Variants in KCNQ3 observed in about 807,000 individuals in gnomAD.
The protein encoded by KCNQ3 is potassium voltage-gated channel subfamily KQT member 3.
In KCNQ3, 30 loss-of-function variants were observed where a neutral mutation model predicts 92.5. That is an observed-to-expected ratio of 0.32 (90% CI 0.24 to 0.44). KCNQ3 has a LOEUF of 0.44. KCNQ3 is among the 20% of genes least tolerant of loss of function. The probability of loss-of-function intolerance (pLI) is 1.00; values close to 1 mark genes in which losing one functional copy is unlikely to be tolerated. For synonymous variants in KCNQ3, 450 were observed against 468.8 expected (o/e 0.96, Z 0.52); for missense variants, 913 against 1,140.3 (o/e 0.80, Z 2.87).
intron 13 of KCNQ3, among the ~76,000 whole-genome samples, chr8:132,133,219 A>G (rs1186277144): frequency 2.6e-5 from 4 of 152,238 alleles, no homozygotes; most frequent in Non-Finnish European, 5.9e-5. Context: ...TAGAGACTTC[A>G]TTCCTACCTC....
intron 9 of KCNQ3, among the ~76,000 whole-genome samples, chr8:132,151,214 A>C (rs1380040236): frequency 6.6e-6 from 1 of 152,242 alleles, no homozygotes; most frequent in African/African-American, 2.4e-5. Flanking sequence ...GGCTGCATCT[A>C]GCACATAATC....
At chr8:132,363,232 T>C (rs1819220818) in intron 1 of KCNQ3, among the ~76,000 whole-genome samples, 1 of 152,184 alleles carries the variant, frequency 6.6e-6, no homozygotes, top group Admixed American at 6.5e-5. Context: ...TATTGGTAGA[T>C]AAAACGCGAA....
chr8:132,296,793 T>C (rs1225569639), intron 1 of KCNQ3, among the ~76,000 whole-genome samples: 2 of 152,044 alleles, frequency 1.3e-5, no homozygotes, highest in Non-Finnish European at 2.9e-5. Flanking sequence ...CTATCATTGT[T>C]GGACATTTGG....
At chr8:132,270,866 T>C (rs1384184524) in intron 1 of KCNQ3, among the ~76,000 whole-genome samples, 1 of 152,360 alleles carries the variant, frequency 6.6e-6, no homozygotes, top group African/African-American at 2.4e-5. Flanking sequence ...AATTTGTGTA[T>C]TTGGGATGGG....
chr8:132,249,950 G>T (rs6988160), intron 1 of KCNQ3, among the ~76,000 whole-genome samples: 66,515 of 152,042 alleles, frequency 0.44, 16,882 homozygotes, highest in East Asian at 0.68. Context: ...GCCGCTCCAA[G>T]TGAAGGACCT....
intron 9 of KCNQ3, among the ~76,000 whole-genome samples, chr8:132,161,655 AAAAG>A (rs934886232): frequency 2.6e-5 from 4 of 152,018 alleles, no homozygotes; most frequent in African/African-American, 2.4e-5. Context: ...ACAAAAAAGA[AAAAG>A]AAAAAGAAAA....
chr8:132,125,757 G>A lies in KCNQ3; in HGVS notation c.*3505C>T, dbSNP rs560312608. ...GTTCATTTTAACCTATACACCTTGGGGTTATCTAGTTATGTTTTCATGAAA... is the reference window on the plus strand; with the variant it reads ...GTTCATTTTAACCTATACACCTTGGAGTTATCTAGTTATGTTTTCATGAAA... On this transcript the variant is annotated 3_prime_UTR_variant, in exon 15 of 15. Coordinates refer to ENST00000388996, the MANE Select transcript of KCNQ3 (RefSeq NM_004519.4). 6 of 152,098 alleles carry A rather than the reference G, an allele frequency of 3.9e-5. No individual in the cohort carries two copies. Among genetic ancestry groups the A allele is most frequent in the African/African-American group, 1.4e-4 (6 of 41,498 alleles). 9.4% of individuals were successfully genotyped at this position (152,098 alleles called of 1,614,324 possible). A position where few individuals can be genotyped will look rare whatever the true frequency, so the allele number is the denominator to read the frequency against.
chr8:132,135,071 A>C (rs1825038191), intron 12 of KCNQ3, among the ~76,000 whole-genome samples: 1 of 151,664 alleles, frequency 6.6e-6, no homozygotes, highest in South Asian at 2.1e-4. Flanking sequence ...CTTTTCTGCT[A>C]CTCTCCCTCC....
intron 2 of KCNQ3, 127 bp downstream of exon 2, chr8:132,185,964 G>C: frequency 1.3e-6 from 1 of 745,414 alleles, no homozygotes; most frequent in South Asian, 1.4e-5. Context: ...GCTTTTCCTT[G>C]GGCCTGGACT....
rs114449154 is a variant in KCNQ3, at chr8:132,169,249, T to A, written c.1235+1085A>T. The stretch of plus-strand genomic sequence containing the variant: ...GGATGCATTTACCATCACACTTCCA[T>A]CAGAATTGCTGAAAGTGGAGGCCAG... On this transcript the variant is annotated intron_variant, in intron 8 of 14. Coordinates refer to ENST00000388996, the MANE Select transcript of KCNQ3 (RefSeq NM_004519.4). Among the ~76,000 whole-genome samples, 1,168 of 152,242 alleles carry A rather than the reference T, an allele frequency of 7.7e-3. 21 individuals are homozygous for A. The highest frequency in any genetic ancestry group is 0.027 in the African/African-American group (1,107 of 41,546).
chr8:132,308,804 G>A (rs1817510320), intron 1 of KCNQ3, among the ~76,000 whole-genome samples: 1 of 152,158 alleles, frequency 6.6e-6, no homozygotes, highest in Non-Finnish European at 1.5e-5. Flanking sequence ...AGGATCAGAG[G>A]GGTTAAGTAA....
chr8:132,402,953 G>T (rs1208046166), intron 1 of KCNQ3, among the ~76,000 whole-genome samples: 10 of 140,548 alleles, frequency 7.1e-5, no homozygotes, highest in Admixed American at 2.3e-4. Flanking sequence ...AGGAGGCAGA[G>T]ATTGCAGTGA....
At chr8:132,140,765 T>G (rs1825266847) in intron 10 of KCNQ3, 2 of 299,764 alleles carry the variant, frequency 6.7e-6, no homozygotes, top group Non-Finnish European at 6.3e-6. Flanking sequence ...TTTCTGCCAC[T>G]CTTCCCGTGC....
chr8:132,329,016 G>A (rs995920570), intron 1 of KCNQ3, among the ~76,000 whole-genome samples: 1 of 152,160 alleles, frequency 6.6e-6, no homozygotes, highest in Non-Finnish European at 1.5e-5. Flanking sequence ...GGTACGCGCT[G>A]AGTGCCTACT....
chr8:132,436,814 C>G (rs1198852150), intron 1 of KCNQ3, among the ~76,000 whole-genome samples: 1 of 152,060 alleles, frequency 6.6e-6, no homozygotes, highest in African/African-American at 2.4e-5. Flanking sequence ...GTTAGTTCTC[C>G]CTGGGCTCAG....
chr8:132,240,883 G>C (rs1455673464), intron 1 of KCNQ3, among the ~76,000 whole-genome samples: 1 of 120,722 alleles, frequency 8.3e-6, no homozygotes, highest in African/African-American at 2.7e-5. Flanking sequence ...CAATGAGCTA[G>C]CTACAATTTT....
chr8:132,477,380 G>C (rs976973523), intron 1 of KCNQ3, among the ~76,000 whole-genome samples: 1 of 147,808 alleles, frequency 6.8e-6, no homozygotes, highest in African/African-American at 2.5e-5. Context: ...CCACTAGATT[G>C]TAGGCCTATG....
intron 1 of KCNQ3, among the ~76,000 whole-genome samples, chr8:132,271,176 G>A (rs112242201): frequency 4.6e-5 from 7 of 152,296 alleles, no homozygotes; most frequent in African/African-American, 1.2e-4. Context: ...TCTGGGCATC[G>A]CAAGGCCTCA....
At chr8:132,210,050 A>G (rs553754070) in intron 1 of KCNQ3, among the ~76,000 whole-genome samples, 9 of 152,182 alleles carry the variant, frequency 5.9e-5, no homozygotes, top group Non-Finnish European at 8.8e-5. Context: ...TGGGCATCAC[A>G]ATGTCCTGGA....
Sources: gnomAD v4.1 joint callset for allele counts (sites outside exome capture counted in the v4.1 genomes callset) on GRCh38, gnomAD v4.1.1 for gene constraint, MANE v1.5 for transcripts, NCBI Gene and HGNC (gene_info 2026-07-23, HGNC 2026-07-21) for gene names.